CDH9: variants seen among roughly 807,000 people sequenced by gnomAD.
CDH9 encodes the protein cadherin 9, also known as cadherin-9.
CDH9 carries 28 observed loss-of-function variants against 70.9 expected under a neutral mutation model. The observed-to-expected ratio is 0.40, with a 90% confidence interval of 0.29 to 0.54. The LOEUF (loss-of-function observed/expected upper bound fraction) is 0.54. Ranked by LOEUF, CDH9 falls within the 20% of genes least tolerant of loss-of-function variation. The pLI is 0.59. For missense variants in CDH9, 874 were observed against 984.4 expected (o/e 0.89, Z 1.50); for synonymous variants, 409 against 343.1 (o/e 1.19, Z -2.12).
intron 7 of CDH9, among the ~76,000 whole-genome samples, chr5:26,893,636 C>A (rs1740697909): frequency 6.6e-6 from 1 of 151,636 alleles, no homozygotes; most frequent in African/African-American, 2.4e-5. Flanking sequence ...GAAATAGAAA[C>A]CTAGATATAA....
Position 26,902,734 on chromosome 5 carries a change from A to G in CDH9, c.1000-5T>C, listed in dbSNP as rs761323360. ...TTGATTTTCAAAATCTAAATTCTGGAGTTAAATAACATAAAAGAAATTAGC... is the reference window on the plus strand; with the variant it reads ...TTGATTTTCAAAATCTAAATTCTGGGGTTAAATAACATAAAAGAAATTAGC... On this transcript the variant is annotated splice_region_variant and splice_polypyrimidine_tract_variant and intron_variant, in intron 6 of 11. Coordinates refer to ENST00000231021, the MANE Select transcript of CDH9 (RefSeq NM_016279.4). The G allele has an allele frequency of 3.9e-5, 59 of 1,510,800 alleles. No individual in the cohort carries two copies. The highest frequency in any genetic ancestry group is 5.3e-5 in the Non-Finnish European group (58 of 1,090,346). 93.6% of individuals were successfully genotyped at this position (1,510,800 alleles called of 1,614,324 possible). A position where few individuals can be genotyped will look rare whatever the true frequency, so the allele number is the denominator to read the frequency against.
chr5:26,993,567 A>G (rs1391158400), intron 1 of CDH9, among the ~76,000 whole-genome samples: 1 of 152,030 alleles, frequency 6.6e-6, no homozygotes, highest in Non-Finnish European at 1.5e-5. Flanking sequence ...GGTGTGAACC[A>G]TAGACTTAAT....
At chr5:27,002,314 T>G (rs1418792797) in intron 1 of CDH9, among the ~76,000 whole-genome samples, 1 of 152,172 alleles carries the variant, frequency 6.6e-6, no homozygotes, top group Non-Finnish European at 1.5e-5. Flanking sequence ...ACTTTTACAC[T>G]GTTGGTGGGA....
At chr5:27,037,505 T>A (rs1743415425) in intron 1 of CDH9, among the ~76,000 whole-genome samples, 1 of 151,938 alleles carries the variant, frequency 6.6e-6, no homozygotes, top group Non-Finnish European at 1.5e-5. Flanking sequence ...TTATGAGAAT[T>A]TCACCCTGGT....
intron 9 of CDH9, among the ~76,000 whole-genome samples, chr5:26,886,307 G>T (rs570390489): frequency 3.9e-5 from 6 of 152,198 alleles, no homozygotes; most frequent in African/African-American, 1.4e-4. Context: ...TTAAGCAATG[G>T]TTTGCAAGGT....
At chr5:26,939,031 T>G (rs750997029) in intron 2 of CDH9, among the ~76,000 whole-genome samples, 8 of 152,050 alleles carry the variant, frequency 5.3e-5, no homozygotes, top group African/African-American at 9.7e-5. Flanking sequence ...TTGTAGGATT[T>G]ATATCAATAA....
chr5:26,903,720 TATACTCC>T lies in CDH9; in HGVS notation c.909_915del (p.Met303IlefsTer25), dbSNP rs1740897774. On this transcript the variant is annotated frameshift_variant, in exon 6 of 12. Coordinates refer to ENST00000231021, the MANE Select transcript of CDH9 (RefSeq NM_016279.4). LOFTEE classifies it high-confidence loss of function. Reference sequence around the variant, plus strand: ...TCTGCACCATCTCCTTCAGCAATGCTATACTCCATTTCTGCATTTTCCCCCACGTCAG... The same window carrying T: ...TCTGCACCATCTCCTTCAGCAATGCTATTTCTGCATTTTCCCCCACGTCAG... The T allele has an allele frequency of 6.2e-7, 1 of 1,604,930 alleles. No homozygotes were observed. Among genetic ancestry groups the T allele is most frequent in the Non-Finnish European group, 8.5e-7 (1 of 1,173,108 alleles).
chr5:26,958,169 T>A (rs1741976738), intron 2 of CDH9, among the ~76,000 whole-genome samples: 1 of 152,238 alleles, frequency 6.6e-6, no homozygotes, highest in South Asian at 2.1e-4. Flanking sequence ...GTTAAGTACA[T>A]GTGAATCTCT....
chr5:26,954,388 CTT>C (rs59882843), intron 2 of CDH9, among the ~76,000 whole-genome samples: 1 of 93,066 alleles, frequency 1.1e-5, no homozygotes, highest in East Asian at 3.6e-4. Flanking sequence ...TACAGCCTTT[CTT>C]TTTTTTTTTT....
chr5:26,901,109 A>G (rs1182626879), intron 7 of CDH9, among the ~76,000 whole-genome samples: 1 of 151,992 alleles, frequency 6.6e-6, no homozygotes, highest in African/African-American at 2.4e-5. Context: ...CAAGAGTTTT[A>G]CTTTAAGCAA....
intron 1 of CDH9, among the ~76,000 whole-genome samples, chr5:26,993,443 A>T (rs1428652): frequency 8.5e-4 from 129 of 152,298 alleles, no homozygotes; most frequent in African/African-American, 3.1e-3. Context: ...AGAATAAAAC[A>T]AAGTTTAAAG....
intron 1 of CDH9, among the ~76,000 whole-genome samples, chr5:27,007,182 C>G (rs975437774): frequency 6.6e-6 from 1 of 152,184 alleles, no homozygotes; most frequent in Non-Finnish European, 1.5e-5. Flanking sequence ...ACACAAAGTA[C>G]TTTTCATTTG....
At chr5:26,948,058 G>C (rs1314600633) in intron 2 of CDH9, among the ~76,000 whole-genome samples, 1 of 152,074 alleles carries the variant, frequency 6.6e-6, no homozygotes, top group Non-Finnish European at 1.5e-5. Context: ...CTTCAGGGAA[G>C]TGCTTGGATA....
intron 1 of CDH9, among the ~76,000 whole-genome samples, chr5:27,027,394 T>C (rs923424327): frequency 1.3e-5 from 2 of 152,044 alleles, no homozygotes; most frequent in Admixed American, 6.6e-5. Flanking sequence ...CTTTTGTATA[T>C]GGTGGGTCTC....
At chr5:26,986,815 C>A (rs1035947419) in intron 2 of CDH9, among the ~76,000 whole-genome samples, 1 of 151,934 alleles carries the variant, frequency 6.6e-6, no homozygotes, top group Non-Finnish European at 1.5e-5. Context: ...ATGAGGGATG[C>A]CTGAGGATGC....
intron 1 of CDH9, among the ~76,000 whole-genome samples, chr5:26,994,868 C>A (rs1335649150): frequency 1.3e-5 from 2 of 152,126 alleles, no homozygotes; most frequent in African/African-American, 2.4e-5. Context: ...CATGCTCTAA[C>A]CTGCATCTAT....
At chr5:27,038,079 A>G (rs547848857) in intron 1 of CDH9, among the ~76,000 whole-genome samples, 5 of 152,144 alleles carry the variant, frequency 3.3e-5, no homozygotes, top group African/African-American at 1.2e-4. Flanking sequence ...AGTCCATTTC[A>G]AATTAATATA....
intron 2 of CDH9, among the ~76,000 whole-genome samples, chr5:26,933,202 G>A (rs1028420817): frequency 2.0e-5 from 3 of 148,254 alleles, no homozygotes; most frequent in Non-Finnish European, 3.0e-5. Flanking sequence ...AATGTATTAC[G>A]AAATAAAATA....
intron 1 of CDH9, among the ~76,000 whole-genome samples, chr5:27,008,419 G>A (rs983513511): frequency 1.3e-5 from 2 of 152,050 alleles, no homozygotes; most frequent in African/African-American, 4.8e-5. Flanking sequence ...GAACAGGTGA[G>A]GCACTGATTA....
Sources: gnomAD v4.1 joint callset for allele counts (sites outside exome capture counted in the v4.1 genomes callset) on GRCh38, gnomAD v4.1.1 for gene constraint, MANE v1.5 for transcripts, NCBI Gene and HGNC (gene_info 2026-07-23, HGNC 2026-07-21) for gene names.